The following SPMIP2 variants were observed in gnomAD, a reference collection of about 807,000 sequenced individuals.
SPMIP2 encodes sperm microtubule inner protein 2.
chr4:158,921,074 T>A, the SPMIP2 span, among the ~76,000 whole-genome samples: 2 of 152,218 alleles, frequency 1.3e-5, no homozygotes, highest in Admixed American at 1.3e-4. Context: ...TACGTTGAAA[T>A]ATTGGGGGCA....
At chr4:159,016,184 T>A in the SPMIP2 span, among the ~76,000 whole-genome samples, 3 of 152,246 alleles carry the variant, frequency 2.0e-5, no homozygotes, top group Non-Finnish European at 4.4e-5. Context: ...TCCTGTTCTC[T>A]GTGTAAGAGA....
At chr4:158,893,971 C>T in the SPMIP2 span, among the ~76,000 whole-genome samples, 2 of 151,820 alleles carry the variant, frequency 1.3e-5, no homozygotes, top group African/African-American at 4.8e-5. Context: ...TAAAATTCTC[C>T]TTAAAAAAAA....
the SPMIP2 span, among the ~76,000 whole-genome samples, chr4:159,073,773 G>A: frequency 3.0e-4 from 45 of 152,252 alleles, no homozygotes; most frequent in East Asian, 7.9e-3. Context: ...AGGCTAGGGC[G>A]GGAGGATCAC....
At chr4:158,914,531 C>T in the SPMIP2 span, among the ~76,000 whole-genome samples, 1 of 152,182 alleles carries the variant, frequency 6.6e-6, no homozygotes, top group Non-Finnish European at 1.5e-5. Context: ...TGCTGTCAAA[C>T]TCTATTGAAA....
the SPMIP2 span, among the ~76,000 whole-genome samples, chr4:158,931,102 T>C: frequency 1.3e-5 from 2 of 152,212 alleles, no homozygotes; most frequent in Non-Finnish European, 2.9e-5. Context: ...TGTTCATTTT[T>C]CTTCATTTTT....
chr4:159,060,804 G>T, the SPMIP2 span, among the ~76,000 whole-genome samples: 1 of 152,120 alleles, frequency 6.6e-6, no homozygotes. Flanking sequence ...TATAGCATAG[G>T]CTGGGTGCCG....
chr4:159,072,729 C>T, the SPMIP2 span, among the ~76,000 whole-genome samples: 1 of 152,074 alleles, frequency 6.6e-6, no homozygotes, highest in Non-Finnish European at 1.5e-5. Context: ...TCCCAAAGTG[C>T]TGGGATTATG....
the SPMIP2 span, among the ~76,000 whole-genome samples, chr4:158,981,102 A>T: frequency 6.6e-6 from 1 of 152,344 alleles, no homozygotes; most frequent in South Asian, 2.1e-4. Flanking sequence ...AAGAAAGGAT[A>T]TCAGAGATTG....
chr4:158,980,266 T>C, the SPMIP2 span, among the ~76,000 whole-genome samples: 1 of 152,154 alleles, frequency 6.6e-6, no homozygotes, highest in Admixed American at 6.5e-5. Context: ...AAGGGGCAGC[T>C]GTGGGTGCAA....
At chr4:159,009,809 AAT>A in the SPMIP2 span, among the ~76,000 whole-genome samples, 1 of 151,988 alleles carries the variant, frequency 6.6e-6, no homozygotes, top group Non-Finnish European at 1.5e-5. Flanking sequence ...TATCTCTGTT[AAT>A]AAAAAAAAAT....
the SPMIP2 span, among the ~76,000 whole-genome samples, chr4:158,911,073 T>C: frequency 6.6e-6 from 1 of 152,184 alleles, no homozygotes; most frequent in Non-Finnish European, 1.5e-5. Context: ...CAGTACCAAC[T>C]TAAGAGTTAT....
chr4:159,070,685 T>C, the SPMIP2 span, among the ~76,000 whole-genome samples: 1 of 152,220 alleles, frequency 6.6e-6, no homozygotes, highest in Non-Finnish European at 1.5e-5. Flanking sequence ...GTCCTCAATA[T>C]GGCAATCTGT....
chr4:158,920,941 G>A, the SPMIP2 span, among the ~76,000 whole-genome samples: 1 of 152,172 alleles, frequency 6.6e-6, no homozygotes, highest in Admixed American at 6.5e-5. Flanking sequence ...AGGCTCAGGT[G>A]GGCATCACGG....
At chr4:158,953,826 C>T in the SPMIP2 span, among the ~76,000 whole-genome samples, 5 of 152,116 alleles carry the variant, frequency 3.3e-5, no homozygotes, top group African/African-American at 1.2e-4. Context: ...ATAATTTGAC[C>T]GCTCCACTGG....
chr4:159,072,536 T>G, the SPMIP2 span, among the ~76,000 whole-genome samples: 2 of 141,606 alleles, frequency 1.4e-5, no homozygotes, highest in African/African-American at 5.2e-5. Flanking sequence ...CTAACATGAC[T>G]CACTGCAGTC....
chr4:158,915,034 A>C, the SPMIP2 span: 1 of 723,520 alleles, frequency 1.4e-6, no homozygotes, highest in Non-Finnish European at 2.2e-6. Flanking sequence ...TCCAGTATAA[A>C]TTACAAAATG....
chr4:158,965,038 T>C, the SPMIP2 span, among the ~76,000 whole-genome samples: 2 of 152,098 alleles, frequency 1.3e-5, no homozygotes, highest in East Asian at 1.9e-4. Flanking sequence ...GCCACAAACA[T>C]AGATTTGCCC....
At chr4:159,015,630 G>C in the SPMIP2 span, among the ~76,000 whole-genome samples, 1 of 152,042 alleles carries the variant, frequency 6.6e-6, no homozygotes, top group Non-Finnish European at 1.5e-5. Flanking sequence ...TTAGAAAAAA[G>C]AGAGTTGGAA....
chr4:158,924,110 C>A, the SPMIP2 span, among the ~76,000 whole-genome samples: 34 of 152,250 alleles, frequency 2.2e-4, no homozygotes, highest in African/African-American at 7.5e-4. Flanking sequence ...CATCTCCAAG[C>A]CAAGAAGAGT....
Sources: gnomAD v4.1 joint callset for allele counts (sites outside exome capture counted in the v4.1 genomes callset) on GRCh38, gnomAD v4.1.1 for gene constraint, MANE v1.5 for transcripts, NCBI Gene and HGNC (gene_info 2026-07-23, HGNC 2026-07-21) for gene names.